The following TOLLIP variants were observed in gnomAD, a reference collection of about 807,000 sequenced individuals.
TOLLIP encodes toll-interacting protein.
A neutral mutation model predicts 33.5 loss-of-function variants in TOLLIP; 16 were observed. That is an observed-to-expected ratio of 0.48 (90% CI 0.32 to 0.72). The LOEUF (loss-of-function observed/expected upper bound fraction) is 0.72. Ranked by LOEUF, TOLLIP falls within the 30% of genes least tolerant of loss-of-function variation. TOLLIP has a pLI of 0.03. For missense variants in TOLLIP, 325 were observed against 396.6 expected, an observed-to-expected ratio of 0.82 and a Z score of 1.53; for synonymous variants, 176 against 163.7, an observed-to-expected ratio of 1.07 and a Z score of -0.57.
intron 5 of TOLLIP, chr11:1,283,440 G>A: frequency 4.7e-6 from 2 of 425,402 alleles, no homozygotes; most frequent in South Asian, 3.3e-5. Flanking sequence ...ACTGTGCCAG[G>A]GACGCCCCTG....
intron 1 of TOLLIP, among the ~76,000 whole-genome samples, chr11:1,297,327 C>A (rs1864141457): frequency 6.6e-6 from 1 of 152,144 alleles, no homozygotes; most frequent in Non-Finnish European, 1.5e-5. Flanking sequence ...TTCAAAGGAC[C>A]CCGAGAGGGT....
rs933272647 is a variant in TOLLIP at position 1,303,580 on chromosome 11, C to G, written c.33+5886G>C. Among the ~76,000 whole-genome samples, 1 of 152,214 alleles carries G rather than the reference C, an allele frequency of 6.6e-6. No homozygotes were observed. Among genetic ancestry groups the G allele is most frequent in the Non-Finnish European group, 1.5e-5 (1 of 68,026 alleles). On this transcript the variant is annotated intron_variant, in intron 1 of 5. Transcript: ENST00000317204. This position sits in a 1 kb window ranked among gnomAD's most constrained non-coding sequence, Gnocchi z 4.2. ...GGCAAGGCCGGGTGGCAGGGGCACG[C>G]TGCACTTCCCACAGGGCAGCAAGGC... is the stretch of plus-strand genomic sequence containing the variant.
chr11:1,300,436 T>C (rs1259861168), intron 1 of TOLLIP, among the ~76,000 whole-genome samples: 1 of 152,244 alleles, frequency 6.6e-6, no homozygotes, highest in African/African-American at 2.4e-5. Flanking sequence ...TCTTCAAGTC[T>C]AAGTTTTAGT....
intron 5 of TOLLIP, chr11:1,283,467 G>C: frequency 5.2e-6 from 2 of 387,828 alleles, no homozygotes; most frequent in Admixed American, 5.9e-5. Flanking sequence ...GGAAACGCAT[G>C]CCTGGGCATG....
chr11:1,286,675 C>A (rs1863707810), intron 4 of TOLLIP, among the ~76,000 whole-genome samples: 1 of 152,042 alleles, frequency 6.6e-6, no homozygotes, highest in Non-Finnish European at 1.5e-5. Context: ...AGTCACTGCA[C>A]CGCTGTCATC....
At chr11:1,301,364 T>G (rs1864269550) in intron 1 of TOLLIP, among the ~76,000 whole-genome samples, 1 of 152,214 alleles carries the variant, frequency 6.6e-6, no homozygotes. Context: ...ACACCAGCAC[T>G]GAGGATCCCA....
Position 1,278,196 on chromosome 11 carries a change from C to T in TOLLIP, c.611-943G>A, listed in dbSNP as rs992458835. On this transcript the variant is annotated intron_variant, in intron 5 of 5. Coordinates refer to ENST00000317204, the MANE Select transcript of TOLLIP (RefSeq NM_019009.4). The surrounding 1 kb of genome is among the most constrained non-coding windows in gnomAD (Gnocchi z 4.7). The stretch of plus-strand genomic sequence containing the variant: ...CACAGGCAGCGTGCGCGGGGCTCAG[C>T]GACCAGTGAGGCACAGAGCACAGGC... Among the ~76,000 whole-genome samples, 1 of 151,282 alleles carries T rather than the reference C, an allele frequency of 6.6e-6. No homozygotes were observed. Among genetic ancestry groups the T allele is most frequent in the Non-Finnish European group, 1.5e-5 (1 of 67,992 alleles).
Position 1,276,916 on chromosome 11 carries a change from A to T in TOLLIP, c.*123T>A, listed in dbSNP as rs1863325275. On this transcript the variant is annotated 3_prime_UTR_variant, in exon 6 of 6. Transcript: ENST00000317204. ...ACAGGTGTGGACGGGGCGGCACAGA[A>T]GTCCACGGGAGGGGGCGACACGGGT... is the stretch of plus-strand genomic sequence containing the variant. 6.4e-7 allele frequency: 1 copy of T among 1,568,680 alleles called. No homozygotes were observed. Among genetic ancestry groups the T allele is most frequent in the Non-Finnish European group, 8.6e-7 (1 of 1,158,292 alleles).
chr11:1,293,272 C>T (rs1392110601), intron 2 of TOLLIP, among the ~76,000 whole-genome samples: 4 of 152,218 alleles, frequency 2.6e-5, no homozygotes, highest in South Asian at 2.1e-4. Context: ...GGAGTGCCCA[C>T]GGAACACCTG....
Position 1,274,740 on chromosome 11 carries a change from C to G in TOLLIP, c.*2299G>C, listed in dbSNP as rs1863230205. On this transcript the variant is annotated 3_prime_UTR_variant, in exon 6 of 6. Coordinates refer to ENST00000317204, the MANE Select transcript of TOLLIP (RefSeq NM_019009.4). ...CAGGAGCAGCAGAGGCTGGCAAGGCCTGGGCCCTCAGACACCAGGGGCCTA... is the reference window on the plus strand; with the variant it reads ...CAGGAGCAGCAGAGGCTGGCAAGGCGTGGGCCCTCAGACACCAGGGGCCTA... The G allele has an allele frequency of 1.3e-5, 2 of 152,274 alleles. No homozygotes were observed. Among genetic ancestry groups the G allele is most frequent in the Non-Finnish European group, 2.9e-5 (2 of 68,086 alleles). The allele number at this position is 152,274 out of a possible 1,614,324, so 9.4% of individuals were successfully genotyped here. A position where few individuals can be genotyped will look rare whatever the true frequency, so the allele number is the denominator to read the frequency against.
At chr11:1,282,247 A>G (rs1274969185) in intron 5 of TOLLIP, among the ~76,000 whole-genome samples, 1 of 152,188 alleles carries the variant, frequency 6.6e-6, no homozygotes, top group Admixed American at 6.5e-5. Flanking sequence ...AAGAACAAAG[A>G]TCCCGCCTGA....
intron 5 of TOLLIP, 46 bp downstream of exon 5, chr11:1,285,956 G>A: frequency 1.3e-6 from 2 of 1,499,114 alleles, no homozygotes; most frequent in South Asian, 1.2e-5. Flanking sequence ...CCTAGGCCCT[G>A]GGGTTTCTAC....
chr11:1,286,229 C>T (rs1033467538), intron 4 of TOLLIP, 137 bp from the exon 5 acceptor site: 16 of 658,730 alleles, frequency 2.4e-5, no homozygotes, highest in African/African-American at 1.4e-4. Context: ...GAATCACCCT[C>T]GCTACACGAG....
In TOLLIP at chr11:1,278,751, C is replaced by G. The variant is rs150377920; in HGVS notation, c.611-1498G>C. ...ATGCTCATCAGCCTTTCGGCAATGA[C>G]GGAAAACGAACCGAACCATGGCCAG... On this transcript the variant is annotated intron_variant, in intron 5 of 5. Coordinates refer to ENST00000317204, the MANE Select transcript of TOLLIP (RefSeq NM_019009.4). This position sits in a 1 kb window ranked among gnomAD's most constrained non-coding sequence, Gnocchi z 4.7. Among the ~76,000 whole-genome samples, 334 of 152,350 alleles carry G rather than the reference C, an allele frequency of 2.2e-3. 5 individuals are homozygous for G. The highest frequency in any genetic ancestry group is 7.6e-3 in the African/African-American group (317 of 41,584).
intron 1 of TOLLIP, among the ~76,000 whole-genome samples, chr11:1,309,042 G>A (rs1244727840): frequency 6.6e-6 from 1 of 152,096 alleles, no homozygotes; most frequent in East Asian, 1.9e-4. Context: ...TTAGGGTGCG[G>A]GGCCCTCCTC....
Position 1,290,377 on chromosome 11 carries a change from G to A in TOLLIP, c.216C>T (p.Arg72=), listed in dbSNP as rs1270119720. The change falls in exon 3 of 6, where the codon CGC becomes CGT. Residue 72 remains arginine, a synonymous_variant. Coordinates refer to ENST00000317204, the MANE Select transcript of TOLLIP (RefSeq NM_019009.4). The surrounding 1 kb of genome is among the most constrained non-coding windows in gnomAD (Gnocchi z 4.9). The part of the protein sequence containing the change: ...AKLAKNYGMT[R]MDPYCRLRLG... ...GGCGCAGTCGGCAGTAGGGGTCCAT[G>A]CGGGTCATGCCGTAATTCTTGGCCA... is the stretch of plus-strand genomic sequence containing the variant. The A allele has an allele frequency of 1.9e-6, 3 of 1,613,090 alleles. No homozygotes were observed. Among genetic ancestry groups the A allele is most frequent in the Non-Finnish European group, 2.5e-6 (3 of 1,179,666 alleles).
chr11:1,306,870 C>T (rs557438030), intron 1 of TOLLIP, among the ~76,000 whole-genome samples: 16 of 152,172 alleles, frequency 1.1e-4, no homozygotes, highest in Admixed American at 7.8e-4. Flanking sequence ...CCTCTCTTTC[C>T]GTGCCCTGCC....
intron 5 of TOLLIP, among the ~76,000 whole-genome samples, chr11:1,281,740 G>C (rs1863505584): frequency 6.6e-6 from 1 of 152,276 alleles, no homozygotes; most frequent in African/African-American, 2.4e-5. Context: ...CGCGTAGCCA[G>C]GCAGAGCACG....
At chr11:1,281,420 A>G (rs902733709) in intron 5 of TOLLIP, among the ~76,000 whole-genome samples, 1 of 152,140 alleles carries the variant, frequency 6.6e-6, no homozygotes, top group Admixed American at 6.5e-5. Context: ...GCCAGCATTC[A>G]GCCCTCAGTC....
Sources: gnomAD v4.1 joint callset for allele counts (sites outside exome capture counted in the v4.1 genomes callset) on GRCh38, gnomAD v4.1.1 for gene constraint, Gnocchi (gnomAD v3.1) non-coding constraint, MANE v1.5 for transcripts, NCBI Gene and HGNC (gene_info 2026-07-23, HGNC 2026-07-21) for gene names.